TERB1: variants seen among roughly 807,000 people sequenced by gnomAD.
The protein encoded by TERB1 is telomere repeats-binding bouquet formation protein 1.
TERB1 carries 63 observed loss-of-function variants against 92.3 expected under a neutral mutation model. The ratio of observed to expected loss-of-function variants is 0.68; its 90% CI spans 0.56 to 0.84. The LOEUF (loss-of-function observed/expected upper bound fraction) is 0.84, where lower values mean the gene tolerates loss of function less well. Ranked by LOEUF, TERB1 falls within the 40% of genes least tolerant of loss-of-function variation. TERB1 has a pLI of 0.00. For missense variants in TERB1, 709 were observed against 843.7 expected, an observed-to-expected ratio of 0.84 and a Z score of 1.98; for synonymous variants, 252 against 283.9, an observed-to-expected ratio of 0.89 and a Z score of 1.13.
At position 66,775,111 on chromosome 16, in the gene TERB1, C is replaced by G; in HGVS notation, c.1111+7G>C. The G allele has an allele frequency of 6.4e-7, 1 of 1,551,172 alleles. No homozygotes were observed. Reference sequence around the variant, plus strand: ...TTGGTATGTTCTTAAAGTAATAGTACACTTACTAATTTTTTTGCAGTTGTG... The same window carrying G: ...TTGGTATGTTCTTAAAGTAATAGTAGACTTACTAATTTTTTTGCAGTTGTG... On this transcript the variant is annotated splice_region_variant and intron_variant, in intron 12 of 18. Transcript: ENST00000433154.
At chr16:66,775,334 T>C (rs1044930284) in intron 11 of TERB1, 91 bp from the exon 12 acceptor site, 113 of 1,261,310 alleles carry the variant, frequency 9.0e-5, no homozygotes, top group Admixed American at 1.2e-4. Context: ...ATGAACATAG[T>C]TCAAAATTTT....
At chr16:66,791,274 CTCTT>C (rs2018830925) in intron 3 of TERB1, among the ~76,000 whole-genome samples, 1 of 151,672 alleles carries the variant, frequency 6.6e-6, no homozygotes, top group South Asian at 2.1e-4. Flanking sequence ...AAATATTATT[CTCTT>C]TAAGTAAAGC....
At chr16:66,772,431 G>A (rs1010592709) in intron 13 of TERB1, among the ~76,000 whole-genome samples, 158 bp downstream of exon 13, 1 of 152,120 alleles carries the variant, frequency 6.6e-6, no homozygotes, top group Non-Finnish European at 1.5e-5. Context: ...GCAGTGAGCC[G>A]AGATCGTGCC....
chr16:66,798,195 T>TTTA (rs1959210276), intron 2 of TERB1, among the ~76,000 whole-genome samples: 1 of 151,204 alleles, frequency 6.6e-6, no homozygotes, highest in African/African-American at 2.4e-5. Context: ...TTTTTTTTTT[T>TTTA]AAGAGATAGG....
Position 66,770,227 on chromosome 16 carries a change from G to A in TERB1, c.1355C>T (p.Ala452Val). ...SIQNTWKHLH[A>V]DRIGRGSKAE... ...TTTGCTACCTCGACCAATCCGATCTGCATGGAGATGTTTCCATGTATTCTG... is the reference window on the plus strand; with the variant it reads ...TTTGCTACCTCGACCAATCCGATCTACATGGAGATGTTTCCATGTATTCTG... The change falls in exon 14 of 19, where the codon GCA becomes GTA. Residue 452 changes from alanine (A) to valine (V), a missense_variant. Coordinates refer to ENST00000433154, the MANE Select transcript of TERB1 (RefSeq NM_001136505.2). 1 of 1,551,954 alleles carries A rather than the reference G, an allele frequency of 6.4e-7. No individual in the cohort carries two copies. The highest frequency in any genetic ancestry group is 8.7e-7 in the Non-Finnish European group (1 of 1,146,840).
chr16:66,782,041 T>C (rs2018646864), intron 9 of TERB1, among the ~76,000 whole-genome samples: 1 of 152,222 alleles, frequency 6.6e-6, no homozygotes, highest in Admixed American at 6.5e-5. Context: ...TTTTCACTCT[T>C]ATACTTATTT....
intron 11 of TERB1, among the ~76,000 whole-genome samples, chr16:66,775,623 G>A (rs549584339): frequency 1.1e-3 from 163 of 151,566 alleles, no homozygotes; most frequent in Non-Finnish European, 1.9e-3. Flanking sequence ...AACAGAGTGA[G>A]ACTTTGTCTC....
In TERB1 at chr16:66,754,889, A is replaced by G. The variant is rs1350388252; in HGVS notation, c.*87T>C. On this transcript the variant is annotated 3_prime_UTR_variant, in exon 19 of 19. Transcript: ENST00000433154. The stretch of plus-strand genomic sequence containing the variant: ...TATCCTCATTTCCACATTCCTTCTC[A>G]TGAGAGTTTAGAAAAATACTTTAAA... 5.7e-6 allele frequency: 7 copies of G among 1,229,814 alleles called. No individual in the cohort carries two copies. The highest frequency in any genetic ancestry group is 7.9e-6 in the Non-Finnish European group (7 of 881,410). The allele number at this position is 1,229,814 out of a possible 1,614,324, so 76.2% of individuals were successfully genotyped here.
chr16:66,780,147 G>A (rs1456535106), intron 9 of TERB1, among the ~76,000 whole-genome samples: 1 of 152,216 alleles, frequency 6.6e-6, no homozygotes, highest in Non-Finnish European at 1.5e-5. Context: ...GATTACAGGC[G>A]TGAGCCATGG....
intron 5 of TERB1, among the ~76,000 whole-genome samples, chr16:66,789,017 C>CAAAAA (rs57876042): frequency 8.1e-3 from 543 of 67,058 alleles, no homozygotes; most frequent in African/African-American, 0.014. Flanking sequence ...GGTATGGTAC[C>CAAAAA]AAAAAAAAAA....
intron 5 of TERB1, 104 bp from the exon 6 acceptor site, chr16:66,788,401 C>A: frequency 2.2e-6 from 2 of 889,202 alleles, no homozygotes; most frequent in Non-Finnish European, 3.3e-6. Flanking sequence ...GGTTCTTAAC[C>A]AAATCTCATT....
rs1185337560 is a variant in TERB1 at position 66,759,180 on chromosome 16, A to T, written c.1891T>A (p.Tyr631Asn). The change falls in exon 17 of 19, where the codon TAT becomes AAT. Residue 631 changes from tyrosine to asparagine, a missense_variant. Transcript: ENST00000433154. ...HKVIVEAEDR[Y>N]KSELRKSLIC... ...AGTGATTTCCTTAGTTCACTTTTATATCTGTCTTCAGCTTCCACAATGACT... is the reference window on the plus strand; with the variant it reads ...AGTGATTTCCTTAGTTCACTTTTATTTCTGTCTTCAGCTTCCACAATGACT... 2 of 1,549,518 alleles carry T rather than the reference A, an allele frequency of 1.3e-6. No individual in the cohort carries two copies. The highest frequency in any genetic ancestry group is 2.7e-5 in the African/African-American group (2 of 72,984).
intron 14 of TERB1, among the ~76,000 whole-genome samples, chr16:66,769,098 T>C (rs1483194319): frequency 2.7e-5 from 4 of 146,274 alleles, no homozygotes; most frequent in Non-Finnish European, 5.9e-5. Flanking sequence ...AGAGCGAAAC[T>C]TTCTCAAAAA....
intron 5 of TERB1, among the ~76,000 whole-genome samples, chr16:66,790,224 CAGGGAAAAGGGAAGGGA>C (rs1200117458): frequency 2.7e-4 from 33 of 122,982 alleles, no homozygotes; most frequent in African/African-American, 9.9e-4. Context: ...AAGGAAAAGA[CAGGGAAAAGGGAAGGGA>C]AGGAAAAAGG....
intron 16 of TERB1, among the ~76,000 whole-genome samples, chr16:66,766,156 C>T (rs2018342625): frequency 6.6e-6 from 1 of 151,928 alleles, no homozygotes; most frequent in Non-Finnish European, 1.5e-5. Flanking sequence ...CAGGCGTGAG[C>T]CACCGCGCCC....
intron 12 of TERB1, among the ~76,000 whole-genome samples, 177 bp from the exon 13 acceptor site, chr16:66,772,926 C>G (rs1006419957): frequency 1.3e-5 from 2 of 152,066 alleles, no homozygotes; most frequent in African/African-American, 4.8e-5. Context: ...AGGACTCAAA[C>G]AGTCATAAAT....
chr16:66,798,505 T>A (rs1422160282), intron 2 of TERB1, among the ~76,000 whole-genome samples: 2 of 152,172 alleles, frequency 1.3e-5, no homozygotes, highest in Non-Finnish European at 2.9e-5. Context: ...AAATATTACA[T>A]TACAATAGAA....
intron 9 of TERB1, among the ~76,000 whole-genome samples, chr16:66,783,592 C>T (rs1177166297): frequency 6.6e-6 from 1 of 152,144 alleles, no homozygotes. Flanking sequence ...GGAAGTGTTT[C>T]TCTCACTTCT....
At chr16:66,766,411 A>G (rs1051673534) in intron 16 of TERB1, among the ~76,000 whole-genome samples, 1 of 152,184 alleles carries the variant, frequency 6.6e-6, no homozygotes, top group African/African-American at 2.4e-5. Flanking sequence ...AATTTTGTCC[A>G]TAGAGCAGAG....
Sources: gnomAD v4.1 joint callset for allele counts (sites outside exome capture counted in the v4.1 genomes callset) on GRCh38, gnomAD v4.1.1 for gene constraint, MANE v1.5 for transcripts, NCBI Gene and HGNC (gene_info 2026-07-23, HGNC 2026-07-21) for gene names.